CMIP: variants seen among roughly 807,000 people sequenced by gnomAD.
CMIP encodes the protein C-Maf-inducing protein.
Under a neutral mutation model 97.3 loss-of-function variants are expected in CMIP, and 13 were observed. The observed-to-expected ratio is 0.13, with a 90% CI of 0.09 to 0.21. The LOEUF (loss-of-function observed/expected upper bound fraction) is 0.21, where lower values mean the gene tolerates loss of function less well. Among genes scored for constraint, CMIP ranks in the 10% least tolerant of loss-of-function variants. CMIP has a pLI of 1.00. For synonymous variants in CMIP, 538 were observed against 436.3 expected (o/e 1.23, Z -2.91); for missense variants, 847 against 1,024.9 (o/e 0.83, Z 2.37).
intron 7 of CMIP, among the ~76,000 whole-genome samples, chr16:81,669,605 ACCT>A (rs1258659867): frequency 5.6e-5 from 6 of 107,284 alleles, no homozygotes; most frequent in Admixed American, 2.0e-4. Flanking sequence ...CCCACCTCTC[ACCT>A]CCTTCCGCAC....
rs540900147 is a variant in CMIP at position 81,497,633 on chromosome 16, G to A, written c.300+52092G>A. Among the ~76,000 whole-genome samples, 72 of 152,360 alleles carry A rather than the reference G, an allele frequency of 4.7e-4. 1 individual carries two copies. The South Asian group carries it at 0.014, about 29-fold the overall frequency. On this transcript the variant is annotated intron_variant, in intron 1 of 20. Coordinates refer to ENST00000537098, the MANE Select transcript of CMIP (RefSeq NM_198390.3). ...GCCTCGGCAGACTGGCTCTCCGAGGGTGTCTGGGCCTGGGCAGCCGAGGTC... is the reference window on the plus strand; with the variant it reads ...GCCTCGGCAGACTGGCTCTCCGAGGATGTCTGGGCCTGGGCAGCCGAGGTC...
intron 9 of CMIP, among the ~76,000 whole-genome samples, chr16:81,677,754 C>A (rs1904418662): frequency 6.6e-6 from 1 of 152,108 alleles, no homozygotes; most frequent in African/African-American, 2.4e-5. Context: ...GTTCCGCAGA[C>A]AGAAGGGCAG....
intron 10 of CMIP, among the ~76,000 whole-genome samples, chr16:81,688,906 G>A (rs532627981): frequency 3.9e-5 from 6 of 152,306 alleles, no homozygotes; most frequent in African/African-American, 1.2e-4. Context: ...AGAACATGCG[G>A]TGTTCGTTTT....
intron 1 of CMIP, among the ~76,000 whole-genome samples, chr16:81,534,966 T>G (rs1489782003): frequency 6.6e-6 from 1 of 152,206 alleles, no homozygotes; most frequent in Non-Finnish European, 1.5e-5. Flanking sequence ...TTGTTTGTTT[T>G]TTGAGACGGA....
At chr16:81,673,328 CAACA>C (rs1353548731) in intron 9 of CMIP, among the ~76,000 whole-genome samples, 7 of 151,938 alleles carry the variant, frequency 4.6e-5, no homozygotes, top group African/African-American at 1.7e-4. Flanking sequence ...CCAGCCTGGC[CAACA>C]TAGTGAAACC....
intron 1 of CMIP, among the ~76,000 whole-genome samples, chr16:81,592,681 G>A (rs574017695): frequency 2.0e-5 from 3 of 152,320 alleles, no homozygotes; most frequent in Non-Finnish European, 4.4e-5. Flanking sequence ...TCCACTGAGC[G>A]GCTGTGACCG....
chr16:81,621,041 C>A lies in CMIP; in HGVS notation c.477+115C>A. The stretch of plus-strand genomic sequence containing the variant: ...GAGAACTCATGCCTTCCAGATGGCT[C>A]AGCTGAGGAACTTTGTTCCCCTACC... On this transcript the variant is annotated intron_variant, in intron 3 of 20. Transcript: ENST00000537098. This position sits in a 1 kb window ranked among gnomAD's most constrained non-coding sequence, Gnocchi z 4.1. 2 of 1,318,874 alleles carry A rather than the reference C, an allele frequency of 1.5e-6. No individual in the cohort carries two copies. The highest frequency in any genetic ancestry group is 2.9e-5 in the African/African-American group (2 of 68,912). The allele number at this position is 1,318,874 out of a possible 1,614,324, so 81.7% of individuals were successfully genotyped here. A position where few individuals can be genotyped will look rare whatever the true frequency, so the allele number is the denominator to read the frequency against.
At chr16:81,499,548 G>A (rs544811620) in intron 1 of CMIP, among the ~76,000 whole-genome samples, 2 of 152,228 alleles carry the variant, frequency 1.3e-5, no homozygotes, top group African/African-American at 4.8e-5. Flanking sequence ...CGCCTGTCCC[G>A]GCGCCCATGT....
intron 3 of CMIP, among the ~76,000 whole-genome samples, chr16:81,651,876 G>A (rs998000084): frequency 4.6e-5 from 7 of 151,984 alleles, no homozygotes; most frequent in Non-Finnish European, 8.8e-5. Context: ...TGTGTACCTC[G>A]GTTTCTTCAT....
chr16:81,657,681 T>C (rs562425557), intron 4 of CMIP, 94 bp from the exon 5 acceptor site: 50 of 1,030,298 alleles, frequency 4.9e-5, no homozygotes, highest in Non-Finnish European at 6.3e-5. Flanking sequence ...ACGCTGAAGA[T>C]GTTTCAAAAC....
chr16:81,661,372 C>T (rs2092544320), intron 6 of CMIP, among the ~76,000 whole-genome samples: 1 of 152,274 alleles, frequency 6.6e-6, no homozygotes, highest in Admixed American at 6.5e-5. Context: ...TGGAGCAGGG[C>T]ATCCGCTGCC....
chr16:81,652,586 C>T lies in CMIP; in HGVS notation c.639+222C>T, dbSNP rs1430537635. On this transcript the variant is annotated intron_variant, in intron 4 of 20. Coordinates refer to ENST00000537098, the MANE Select transcript of CMIP (RefSeq NM_198390.3). The surrounding 1 kb of genome is among the most constrained non-coding windows in gnomAD (Gnocchi z 5.2). Reference sequence around the variant, plus strand: ...TGTGCTGTCTGGGGATTGTAGGCACCGAAGAGGAGGTGTTGCCCCGTGCAG... The same window carrying T: ...TGTGCTGTCTGGGGATTGTAGGCACTGAAGAGGAGGTGTTGCCCCGTGCAG... Among the ~76,000 whole-genome samples, 1 of 152,058 alleles carries T rather than the reference C, an allele frequency of 6.6e-6. No homozygotes were observed. Among genetic ancestry groups the T allele is most frequent in the African/African-American group, 2.4e-5 (1 of 41,398 alleles).
At chr16:81,538,362 C>T (rs1448943484) in intron 1 of CMIP, among the ~76,000 whole-genome samples, 1 of 152,122 alleles carries the variant, frequency 6.6e-6, no homozygotes, top group East Asian at 1.9e-4. Flanking sequence ...AGAAGGCTGC[C>T]GAATTTCACT....
chr16:81,485,350 C>T (rs150433810), intron 1 of CMIP, among the ~76,000 whole-genome samples: 1 of 152,194 alleles, frequency 6.6e-6, no homozygotes, highest in Non-Finnish European at 1.5e-5. Context: ...GCTCACTCAT[C>T]CGAGCTATTT....
intron 1 of CMIP, among the ~76,000 whole-genome samples, chr16:81,562,094 AG>A (rs2090894433): frequency 1.3e-5 from 2 of 152,320 alleles, no homozygotes; most frequent in South Asian, 4.1e-4. Context: ...AAGGGAAGTG[AG>A]GGTTCCATGG....
intron 1 of CMIP, among the ~76,000 whole-genome samples, chr16:81,467,703 C>G (rs775520247): frequency 6.6e-5 from 10 of 151,370 alleles, no homozygotes; most frequent in Admixed American, 1.3e-4. Flanking sequence ...GCCTCTACCT[C>G]TCGAGTAGCT....
chr16:81,510,125 C>G (rs540640778), intron 1 of CMIP, among the ~76,000 whole-genome samples: 1 of 152,226 alleles, frequency 6.6e-6, no homozygotes, highest in South Asian at 2.1e-4. Context: ...TCTTGGGCCT[C>G]TATCAAGGTA....
intron 10 of CMIP, among the ~76,000 whole-genome samples, chr16:81,684,972 C>T (rs1905233471): frequency 6.6e-6 from 1 of 152,228 alleles, no homozygotes; most frequent in Admixed American, 6.5e-5. Context: ...CAGGGCAGTC[C>T]CGAGGCGGGG....
Position 81,444,903 on chromosome 16 carries a change from C to A in CMIP, c.-339C>A, listed in dbSNP as rs1905726351. 7.2e-6 allele frequency among the ~76,000 whole-genome samples: 1 copy of A among 137,944 alleles called. No homozygotes were observed. Among genetic ancestry groups the A allele is most frequent in the Non-Finnish European group, 1.6e-5 (1 of 62,228 alleles). 90.5% of individuals were successfully genotyped at this position (137,944 alleles called of 152,430 possible). A position where few individuals can be genotyped will look rare whatever the true frequency, so the allele number is the denominator to read the frequency against. On this transcript the variant is annotated 5_prime_UTR_variant, in exon 1 of 21. Coordinates refer to ENST00000537098, the MANE Select transcript of CMIP (RefSeq NM_198390.3). ...ACGCCCGCCCCCACCCCGCCGCCCC[C>A]ACCCCGGCGCCCGCCCTCCGCGCCT...
Sources: gnomAD v4.1 joint callset for allele counts (sites outside exome capture counted in the v4.1 genomes callset) on GRCh38, gnomAD v4.1.1 for gene constraint, Gnocchi (gnomAD v3.1) non-coding constraint, MANE v1.5 for transcripts, NCBI Gene and HGNC (gene_info 2026-07-23, HGNC 2026-07-21) for gene names.